NSD1: variants seen among roughly 807,000 people sequenced by gnomAD.
The protein encoded by NSD1 is histone-lysine N-methyltransferase, H3 lysine-36 specific.
NSD1 carries 26 observed loss-of-function variants against 242.7 expected under a neutral mutation model. The ratio of observed to expected loss-of-function variants is 0.11; its 90% CI spans 0.08 to 0.15. The LOEUF (loss-of-function observed/expected upper bound fraction) is 0.15. NSD1 is among the 10% of genes least tolerant of loss of function. The pLI is 1.00. For synonymous variants in NSD1, 1,106 were observed against 1,178.1 expected (o/e 0.94, Z 1.25); for missense variants, 2,495 against 3,272.8 (o/e 0.76, Z 5.80).
chr5:177,297,368 T>C lies in NSD1; in HGVS notation c.*1909T>C, dbSNP rs977097028. 6 of 228,862 alleles carry C rather than the reference T, an allele frequency of 2.6e-5. No homozygotes were observed. Among genetic ancestry groups the C allele is most frequent in the Non-Finnish European group, 2.6e-5 (3 of 115,462 alleles). The allele number at this position is 228,862 out of a possible 1,614,324, so 14.2% of individuals were successfully genotyped here. ...TTTCTTTTAAAAGAATTTTAAACCA[T>C]GAAAAAGATATTTTTAAAGAAATTC... On this transcript the variant is annotated 3_prime_UTR_variant, in exon 23 of 23. Coordinates refer to ENST00000439151, the MANE Select transcript of NSD1 (RefSeq NM_022455.5).
chr5:177,143,529 T>C (rs1173463765), intron 2 of NSD1, among the ~76,000 whole-genome samples: 1 of 151,780 alleles, frequency 6.6e-6, no homozygotes, highest in Non-Finnish European at 1.5e-5. Context: ...ACCACGTTGG[T>C]TAAGCTGGTC....
At chr5:177,293,760 G>A in intron 22 of NSD1, 72 bp from the exon 23 acceptor site, 1 of 1,546,316 alleles carries the variant, frequency 6.5e-7, no homozygotes, top group Non-Finnish European at 8.9e-7. Flanking sequence ...CCTTCGGACT[G>A]TAGCATAGCC....
chr5:177,284,112 C>T (rs1759110400), intron 20 of NSD1, among the ~76,000 whole-genome samples, 184 bp downstream of exon 20: 1 of 152,202 alleles, frequency 6.6e-6, no homozygotes, highest in African/African-American at 2.4e-5. Flanking sequence ...TCATCTTCCC[C>T]TGCTAAAACT....
At chr5:177,225,178 G>A (rs1163021185) in intron 5 of NSD1, among the ~76,000 whole-genome samples, 1 of 151,930 alleles carries the variant, frequency 6.6e-6, no homozygotes, top group African/African-American at 2.4e-5. Context: ...ACGGAGTTTC[G>A]CCCTCATCGC....
At position 177,294,717 on chromosome 5, in the gene NSD1, A is replaced by G. The variant is rs1760127825; in HGVS notation, c.7349A>G (p.Asn2450Ser). ...GTGGACCAGAATACTCAGTCAAAAA[A>G]TAGAGCTGCTTTGGTGATGGATCTC... ...RPVDQNTQSK[N>S]RAALVMDLID... is the part of the protein sequence containing the mutation. Residue 2450 changes from asparagine (N) to serine (S), a missense_variant, in exon 23 of 23, where the codon AAT becomes AGT. Physicochemically the swap from Asn to Ser is conservative, Grantham distance 46. Transcript: ENST00000439151. 1.2e-6 allele frequency: 2 copies of G among 1,614,248 alleles called. No individual in the cohort carries two copies. Among genetic ancestry groups the G allele is most frequent in the Non-Finnish European group, 1.7e-6 (2 of 1,180,028 alleles).
At chr5:177,278,250 A>G (rs1200307745) in intron 17 of NSD1, among the ~76,000 whole-genome samples, 1 of 152,116 alleles carries the variant, frequency 6.6e-6, no homozygotes, top group Non-Finnish European at 1.5e-5. Flanking sequence ...TGGAACCTCA[A>G]GCACTTGCCA....
At position 177,211,010 on chromosome 5, in the gene NSD1, T is replaced by C; in HGVS notation, c.2611T>C (p.Ser871Pro). Reference protein sequence around the residue: ...LSELKELSYRSLGEDVSDSGT... With the variant: ...LSELKELSYRPLGEDVSDSGT... ...CGAGTTGAAGGAACTCTCTTACAGA[T>C]CCTTAGGTGAGGATGTCAGTGACTC... is the stretch of plus-strand genomic sequence containing the variant. Residue 871 changes from serine to proline, a missense_variant, in exon 5 of 23, where the codon TCC (serine) becomes CCC (proline). Transcript: ENST00000439151. 2 of 1,614,144 alleles carry C rather than the reference T, an allele frequency of 1.2e-6. No homozygotes were observed. Among genetic ancestry groups the C allele is most frequent in the Non-Finnish European group, 1.7e-6 (2 of 1,180,022 alleles).
chr5:177,150,280 C>T (rs908946008), intron 2 of NSD1, among the ~76,000 whole-genome samples: 1 of 151,994 alleles, frequency 6.6e-6, no homozygotes, highest in African/African-American at 2.4e-5. Context: ...ATTACAGGCA[C>T]CCGCCACGAC....
intron 3 of NSD1, among the ~76,000 whole-genome samples, chr5:177,201,942 G>A (rs1320038740): frequency 1.3e-5 from 2 of 151,582 alleles, no homozygotes; most frequent in East Asian, 2.0e-4. Context: ...CGAGGCGGGC[G>A]GATCACCTGA....
chr5:177,208,423 A>G (rs1218911158), intron 4 of NSD1, among the ~76,000 whole-genome samples: 1 of 152,132 alleles, frequency 6.6e-6, no homozygotes, highest in Admixed American at 6.6e-5. Flanking sequence ...CTAGGGAGGT[A>G]GATCAAACCT....
chr5:177,218,215 T>G (rs1371929777), intron 5 of NSD1, among the ~76,000 whole-genome samples: 1 of 152,120 alleles, frequency 6.6e-6, no homozygotes, highest in South Asian at 2.1e-4. Flanking sequence ...ACCTGACTAA[T>G]TTTGTAATTT....
At chr5:177,218,655 C>T (rs1238182989) in intron 5 of NSD1, among the ~76,000 whole-genome samples, 1 of 151,796 alleles carries the variant, frequency 6.6e-6, no homozygotes, top group East Asian at 1.9e-4. Context: ...GCAAGCTCCA[C>T]CTCCCGGATT....
chr5:177,155,250 A>G (rs1758032635), intron 2 of NSD1, among the ~76,000 whole-genome samples: 1 of 152,132 alleles, frequency 6.6e-6, no homozygotes, highest in East Asian at 1.9e-4. Flanking sequence ...TGGCCTCCCA[A>G]AGTGCTGGGA....
intron 5 of NSD1, among the ~76,000 whole-genome samples, chr5:177,212,445 A>G (rs985165167): frequency 6.7e-6 from 1 of 149,208 alleles, no homozygotes; most frequent in African/African-American, 2.5e-5. Context: ...TCTCTATAAC[A>G]TCTTTCTTTC....
At chr5:177,231,177 C>T (rs760303053) in intron 5 of NSD1, among the ~76,000 whole-genome samples, 4 of 152,162 alleles carry the variant, frequency 2.6e-5, no homozygotes, top group Admixed American at 1.3e-4. Flanking sequence ...CCTCAAACTC[C>T]TGGGCTCAAG....
At chr5:177,206,056 A>G (rs969959609) in intron 4 of NSD1, among the ~76,000 whole-genome samples, 7 of 152,216 alleles carry the variant, frequency 4.6e-5, no homozygotes, top group African/African-American at 7.2e-5. Flanking sequence ...CCGGAGTACA[A>G]TGGTACAATC....
chr5:177,219,434 C>T (rs1250501351), intron 5 of NSD1, among the ~76,000 whole-genome samples: 1 of 152,152 alleles, frequency 6.6e-6, no homozygotes. Context: ...ATCCTCCTGT[C>T]TCCGCCTCCC....
chr5:177,194,287 T>G (rs1581260214), intron 3 of NSD1, among the ~76,000 whole-genome samples: 1 of 152,160 alleles, frequency 6.6e-6, no homozygotes, highest in East Asian at 1.9e-4. Flanking sequence ...TGAGACAGGA[T>G]CTCATTCTGT....
At chr5:177,184,889 C>T (rs146816660) in intron 2 of NSD1, among the ~76,000 whole-genome samples, 37 of 152,096 alleles carry the variant, frequency 2.4e-4, no homozygotes, top group African/African-American at 7.0e-4. Context: ...GATTTGATGA[C>T]GTTATTCTTA....
Sources: gnomAD v4.1 joint callset for allele counts (sites outside exome capture counted in the v4.1 genomes callset) on GRCh38, gnomAD v4.1.1 for gene constraint, MANE v1.5 for transcripts, NCBI Gene and HGNC (gene_info 2026-07-23, HGNC 2026-07-21) for gene names.